The following PNLDC1 variants were observed in gnomAD, a reference collection of about 807,000 sequenced individuals.
The protein encoded by PNLDC1 is poly(A)-specific ribonuclease PNLDC1.
In PNLDC1, 70 loss-of-function variants were observed where a neutral mutation model predicts 82.0. The observed-to-expected ratio is 0.85, with a 90% CI of 0.70 to 1.04. The LOEUF is 1.04. Ranked by LOEUF, PNLDC1 falls within the 50% of genes least tolerant of loss-of-function variation. PNLDC1 has a pLI of 0.00. For missense variants in PNLDC1, 631 were observed against 661.1 expected (o/e 0.95, Z 0.50); for synonymous variants, 280 against 249.3 (o/e 1.12, Z -1.16).
Position 159,809,944 on chromosome 6 carries a change from A to G in PNLDC1, c.784-82A>G, listed in dbSNP as rs892060801. 2.4e-5 allele frequency: 29 copies of G among 1,189,094 alleles called. No individual in the cohort carries two copies. The African/African-American group carries it at 4.1e-4, about 17-fold the overall frequency. The allele number at this position is 1,189,094 out of a possible 1,614,324, so 73.7% of individuals were successfully genotyped here. A position where few individuals can be genotyped will look rare whatever the true frequency, so the allele number is the denominator to read the frequency against. On this transcript the variant is annotated intron_variant, in intron 9 of 18. Transcript: ENST00000392167. ...GAATTGCAGTGGGTTCTAACACTAT[A>G]TCTTTTGCAAGAAACTGTTAGTCTG...
chr6:159,810,996 A>G (rs1781627074), intron 10 of PNLDC1, among the ~76,000 whole-genome samples: 1 of 152,196 alleles, frequency 6.6e-6, no homozygotes, highest in South Asian at 2.1e-4. Flanking sequence ...TTTGTGAATG[A>G]CGCGCGTGGG....
At chr6:159,820,390 C>G in intron 18 of PNLDC1, 64 bp from the exon 19 acceptor site, 2 of 1,512,794 alleles carry the variant, frequency 1.3e-6, no homozygotes, top group South Asian at 1.1e-5. Flanking sequence ...GAGGGGCAAG[C>G]CTGTGTCGGT....
chr6:159,800,842 C>T lies in PNLDC1; in HGVS notation c.134+13C>T. ...CCCAGCAGATCAGGTAAAACTAAAGCTGTGTCCCCTCTGTATAAGAGCCTG... is the reference window on the plus strand; with the variant it reads ...CCCAGCAGATCAGGTAAAACTAAAGTTGTGTCCCCTCTGTATAAGAGCCTG... On this transcript the variant is annotated intron_variant, in intron 2 of 18. Transcript: ENST00000392167. 1 of 1,614,050 alleles carries T rather than the reference C, an allele frequency of 6.2e-7. No individual in the cohort carries two copies. Among genetic ancestry groups the T allele is most frequent in the South Asian group, 1.1e-5 (1 of 91,090 alleles).
intron 12 of PNLDC1, among the ~76,000 whole-genome samples, chr6:159,814,192 C>G (rs560500828): frequency 6.4e-4 from 98 of 152,340 alleles, no homozygotes; most frequent in Non-Finnish European, 1.2e-3. Flanking sequence ...TCACTCTGCT[C>G]TCCGCAGGGG....
rs199653367 is a variant in PNLDC1 at position 159,818,976 on chromosome 6, C to T, written c.1288C>T (p.Arg430Ter). ...TTCTGGTCCAGATTATCCCAGTATC[C>T]GACCTCCCATCCTCATCCTCAGCGT... ...NFSGPDYPSI[R>*]PPILILSVKR... The change falls in exon 17 of 19, where the codon CGA becomes TGA. Residue 430 changes from arginine (R) to a stop codon, truncating the protein, a stop_gained. Coordinates refer to ENST00000392167, the MANE Select transcript of PNLDC1 (RefSeq NM_001271862.2). LOFTEE classifies it high-confidence loss of function. 1.5e-5 allele frequency: 24 copies of T among 1,613,960 alleles called. No individual in the cohort carries two copies. The highest frequency in any genetic ancestry group is 6.6e-5 in the South Asian group (6 of 91,064).
Position 159,810,055 on chromosome 6 carries a change from C to G in PNLDC1, c.813C>G (p.Asp271Glu). The change falls in exon 10 of 19, where the codon GAC becomes GAG. Residue 271 changes from aspartate (D) to glutamate (E), a missense_variant. Transcript: ENST00000392167. ...TAGTGGGACATAATATGATGATGGA[C>G]CTGCTGCACCTCCATGAGAAGTTCT... ...KPLVGHNMMM[D>E]LLHLHEKFFR... is the part of the protein sequence containing the mutation. The G allele has an allele frequency of 6.2e-7, 1 of 1,614,062 alleles. No homozygotes were observed. The highest frequency in any genetic ancestry group is 8.5e-7 in the Non-Finnish European group (1 of 1,179,960).
rs75248035 is a variant in PNLDC1 at position 159,804,707 on chromosome 6, G to A, written c.461+70G>A. The A allele has an allele frequency of 4.7e-3, 5,754 of 1,227,180 alleles. 218 individuals carry two copies. In the African/African-American group the frequency reaches 0.075, roughly 16 times the overall value. The allele number at this position is 1,227,180 out of a possible 1,614,324, so 76.0% of individuals were successfully genotyped here. ...TTGTCTGCATTTCCCGTGGGCGGGC[G>A]TGCCGTTTCCAGGAGTGTGGTGACC... On this transcript the variant is annotated intron_variant, in intron 6 of 18. Transcript: ENST00000392167.
chr6:159,806,168 C>A, intron 7 of PNLDC1, 85 bp downstream of exon 7: 1 of 1,039,742 alleles, frequency 9.6e-7, no homozygotes, highest in Non-Finnish European at 1.5e-6. Flanking sequence ...CACACCCTTT[C>A]TTGGGATCCT....
At chr6:159,806,108 C>T (rs767242348) in intron 7 of PNLDC1, 25 bp downstream of exon 7, 20 of 1,550,432 alleles carry the variant, frequency 1.3e-5, no homozygotes, top group Admixed American at 8.3e-5. Flanking sequence ...TTCCTCCCAA[C>T]GCAGGAGCAT....
rs760064049 is a variant in PNLDC1 at position 159,803,287 on chromosome 6, C to T, written c.225C>T (p.Ser75=). ...TTCTTCCAGGATTGTCTGTGTTTTC[C>T]GCTATTGAAGGAGAGGCAAACAAGT... ...TVCQIGLSVF[S]AIEGEANKYI... The change falls in exon 4 of 19, where the codon TCC becomes TCT. Residue 75 remains serine (S), a synonymous_variant. Transcript: ENST00000392167. 1.4e-5 allele frequency: 23 copies of T among 1,613,874 alleles called. No individual in the cohort carries two copies. Among genetic ancestry groups the T allele is most frequent in the African/African-American group, 4.0e-5 (3 of 74,918 alleles).
intron 14 of PNLDC1, among the ~76,000 whole-genome samples, chr6:159,816,898 CA>C (rs1397514247): frequency 6.6e-6 from 1 of 152,192 alleles, no homozygotes; most frequent in Non-Finnish European, 1.5e-5. Context: ...CTCCTGGGTT[CA>C]AGCAATCCAC....
In PNLDC1 at chr6:159,819,968, C is replaced by T. The variant is rs1781982507; in HGVS notation, c.1533-486C>T. On this transcript the variant is annotated intron_variant, in intron 18 of 18. Transcript: ENST00000392167. This position sits in a 1 kb window ranked among gnomAD's most constrained non-coding sequence, Gnocchi z 4.6. ...CAGCAAGAAGGTCTATAACCCGACTCAGGTTGTCTTCCGTGTTGGGGTAGA... is the reference window on the plus strand; with the variant it reads ...CAGCAAGAAGGTCTATAACCCGACTTAGGTTGTCTTCCGTGTTGGGGTAGA... Among the ~76,000 whole-genome samples the T allele has an allele frequency of 6.6e-6, 1 of 152,158 alleles. No homozygotes were observed.
chr6:159,810,842 A>T (rs879327757), intron 10 of PNLDC1, among the ~76,000 whole-genome samples: 1 of 152,240 alleles, frequency 6.6e-6, no homozygotes, highest in Non-Finnish European at 1.5e-5. Flanking sequence ...GAAACACCTG[A>T]GTTTGGGCAT....
rs1301466732 is a variant in PNLDC1, at chr6:159,819,478, T to C, written c.1532+126T>C. ...GTGTGTGTTGCCAAGGGGGTTGTGT[T>C]GACGAGTGTGGTGCCCTGAATGTCC... On this transcript the variant is annotated intron_variant, in intron 18 of 18. Coordinates refer to ENST00000392167, the MANE Select transcript of PNLDC1 (RefSeq NM_001271862.2). The surrounding 1 kb of genome is among the most constrained non-coding windows in gnomAD (Gnocchi z 4.6). 1 of 801,454 alleles carries C rather than the reference T, an allele frequency of 1.2e-6. No homozygotes were observed. Among genetic ancestry groups the C allele is most frequent in the African/African-American group, 1.7e-5 (1 of 57,860 alleles). The allele number at this position is 801,454 out of a possible 1,614,324, so 49.6% of individuals were successfully genotyped here. A position where few individuals can be genotyped will look rare whatever the true frequency, so the allele number is the denominator to read the frequency against.
chr6:159,818,772 T>A (rs1781931304), intron 16 of PNLDC1, 118 bp downstream of exon 16: 4 of 1,213,404 alleles, frequency 3.3e-6, no homozygotes, highest in Non-Finnish European at 4.7e-6. Context: ...AGATGAGAGC[T>A]GGGTTTTTCT....
chr6:159,809,916 T>A, intron 9 of PNLDC1, 110 bp from the exon 10 acceptor site: 1 of 875,404 alleles, frequency 1.1e-6, no homozygotes, highest in Non-Finnish European at 1.9e-6. Flanking sequence ...TGTCAAGTGA[T>A]CAGAATTGCA....
chr6:159,818,655 G>T lies in PNLDC1; in HGVS notation c.1257+1G>T. The T allele has an allele frequency of 6.2e-7, 1 of 1,612,252 alleles. No individual in the cohort carries two copies. Among genetic ancestry groups the T allele is most frequent in the South Asian group, 1.1e-5 (1 of 91,038 alleles). Reference sequence around the variant, plus strand: ...CATCCGAGCGGGGGTCCCAAAGATCGTGAGTAGATCTCATTTGGCCCCCTC... The same window carrying T: ...CATCCGAGCGGGGGTCCCAAAGATCTTGAGTAGATCTCATTTGGCCCCCTC... On this transcript the variant is annotated splice_donor_variant, in intron 16 of 18. Coordinates refer to ENST00000392167, the MANE Select transcript of PNLDC1 (RefSeq NM_001271862.2). LOFTEE classifies it high-confidence loss of function.
intron 6 of PNLDC1, 131 bp downstream of exon 6, chr6:159,804,768 T>G: frequency 1.6e-6 from 1 of 640,332 alleles, no homozygotes; most frequent in Non-Finnish European, 2.7e-6. Context: ...TTCAGCTGCC[T>G]GTGCAGCTGG....
chr6:159,819,275 G>A lies in PNLDC1; in HGVS notation c.1455G>A (p.Glu485=). 1.9e-6 allele frequency: 3 copies of A among 1,613,972 alleles called. No homozygotes were observed. Among genetic ancestry groups the A allele is most frequent in the Non-Finnish European group, 2.5e-6 (3 of 1,180,038 alleles). Residue 485 remains glutamate (E), a synonymous_variant, in exon 18 of 19, where the codon GAG becomes GAA. Coordinates refer to ENST00000392167, the MANE Select transcript of PNLDC1 (RefSeq NM_001271862.2). The surrounding 1 kb of genome is among the most constrained non-coding windows in gnomAD (Gnocchi z 4.6). ...GCAGTGCGCGGAACATCCTGAAGGA[G>A]TACCGGGACCACCCGACCCTGTGCA... ...KFKDARNILK[E]YRDHPTLCIS...
Sources: allele counts gnomAD v4.1 joint callset (sites outside exome capture counted in the v4.1 genomes callset), GRCh38; gene constraint gnomAD v4.1.1; non-coding constraint Gnocchi (gnomAD v3.1); transcripts MANE v1.5; gene names NCBI Gene and HGNC (gene_info 2026-07-23, HGNC 2026-07-21).